Variants in CNGA4 observed in about 807,000 individuals in gnomAD.
CNGA4 encodes cyclic nucleotide-gated channel alpha-4.
CNGA4 carries 32 observed loss-of-function variants against 45.6 expected under a neutral mutation model. The ratio of observed to expected loss-of-function variants is 0.70; its 90% CI spans 0.53 to 0.94. CNGA4 has a LOEUF of 0.94. Ranked by LOEUF, CNGA4 falls within the 40% of genes least tolerant of loss-of-function variation. The pLI, the probability that CNGA4 is intolerant of heterozygous loss-of-function variation, is 0.00. For synonymous variants in CNGA4, 293 were observed against 304.6 expected, an observed-to-expected ratio of 0.96 and a Z score of 0.40; for missense variants, 726 against 755.1, an observed-to-expected ratio of 0.96 and a Z score of 0.45.
upstream of CNGA4, among the ~76,000 whole-genome samples, chr11:6,238,210 CT>C (rs1847861834): frequency 6.6e-6 from 1 of 152,194 alleles, no homozygotes; most frequent in African/African-American, 2.4e-5. Flanking sequence ...GTTTAGTTAC[CT>C]CATGTGTAAT....
upstream of CNGA4, among the ~76,000 whole-genome samples, chr11:6,236,337 G>A (rs1001790825): frequency 8.5e-5 from 13 of 152,152 alleles, no homozygotes; most frequent in African/African-American, 3.1e-4. Context: ...TTTTTGGGAT[G>A]ATAGCTATAA....
chr11:6,243,540 G>A (rs1847946838), intron 5 of CNGA4, among the ~76,000 whole-genome samples: 1 of 152,036 alleles, frequency 6.6e-6, no homozygotes, highest in Non-Finnish European at 1.5e-5. Context: ...CCAACATTGG[G>A]GATTACATTT....
chr11:6,244,111 A>C lies in CNGA4; in HGVS notation c.1430A>C (p.Lys477Thr), dbSNP rs747975151. The change falls in exon 6 of 6, where the codon AAG becomes ACG. Residue 477 changes from lysine to threonine, a missense_variant. Lys to Thr is a moderately conservative substitution (Grantham distance 78). Coordinates refer to ENST00000379936, the MANE Select transcript of CNGA4 (RefSeq NM_001037329.4). This position sits in a 1 kb window ranked among gnomAD's most constrained non-coding sequence, Gnocchi z 4.5. ...KGREILLKMNKLDVNAEAAEI... is the reference protein window; with the variant it reads ...KGREILLKMNTLDVNAEAAEI... ...CGTGAGATCCTGCTGAAAATGAACA[A>C]GTTGGACGTGAATGCTGAGGCAGCT... 1 of 1,614,196 alleles carries C rather than the reference A, an allele frequency of 6.2e-7. No individual in the cohort carries two copies. Among genetic ancestry groups the C allele is most frequent in the Admixed American group, 1.7e-5 (1 of 60,022 alleles).
rs948101759 is a variant in CNGA4, at chr11:6,241,638, A to G, written c.1125A>G (p.Val375=). The G allele has an allele frequency of 8.1e-6, 13 of 1,614,106 alleles. No individual in the cohort carries two copies. Among genetic ancestry groups the G allele is most frequent in the Admixed American group, 3.3e-5 (2 of 60,010 alleles). ...AGACCTACTCACCAGGTGAATATGT[A>G]TGCCGCAAAGGAGACATTGGCCAAG... ...QPQTYSPGEY[V]CRKGDIGQEM... is the part of the protein sequence containing the mutation. The change falls in exon 5 of 6, where the codon GTA becomes GTG. Residue 375 remains valine, a synonymous_variant. Coordinates refer to ENST00000379936, the MANE Select transcript of CNGA4 (RefSeq NM_001037329.4).
Position 6,239,140 on chromosome 11 carries a change from C to T in CNGA4, c.-67C>T. 1.2e-6 allele frequency: 2 copies of T among 1,611,048 alleles called. No homozygotes were observed. The highest frequency in any genetic ancestry group is 2.2e-5 in the South Asian group (2 of 90,876). On this transcript the variant is annotated 5_prime_UTR_variant, in exon 1 of 6. Transcript: ENST00000379936. The stretch of plus-strand genomic sequence containing the variant: ...CAGGCAGTCAGGCACTAGTGCCCAA[C>T]TCCAGAAGTCCCCTACAGGCAGAGA...
upstream of CNGA4, among the ~76,000 whole-genome samples, chr11:6,235,224 T>C (rs997668195): frequency 6.6e-6 from 1 of 152,086 alleles, no homozygotes; most frequent in African/African-American, 2.4e-5. Flanking sequence ...GGCACTCTAG[T>C]TCATTTTGCT....
At chr11:6,239,662 C>T (rs911038935) in intron 2 of CNGA4, 22 bp from the exon 3 acceptor site, 1 of 1,611,462 alleles carries the variant, frequency 6.2e-7, no homozygotes, top group South Asian at 1.1e-5. Flanking sequence ...TTAATTCAAT[C>T]ATGCTTAACC....
At position 6,240,048 on chromosome 11, in the gene CNGA4, C is replaced by T. The variant is rs764661626; in HGVS notation, c.272-18C>T. The T allele has an allele frequency of 1.3e-6, 2 of 1,588,454 alleles. No homozygotes were observed. Among genetic ancestry groups the T allele is most frequent in the South Asian group, 1.2e-5 (1 of 86,510 alleles). ...TTGACTACAGCAGGTCCGCTTCCTACCGGCTCCCTCTCCCCAGGATTCTTG... is the reference window on the plus strand; with the variant it reads ...TTGACTACAGCAGGTCCGCTTCCTATCGGCTCCCTCTCCCCAGGATTCTTG... On this transcript the variant is annotated intron_variant, in intron 3 of 5. Transcript: ENST00000379936. This position sits in a 1 kb window ranked among gnomAD's most constrained non-coding sequence, Gnocchi z 4.9.
At position 6,240,481 on chromosome 11, in the gene CNGA4, G is replaced by A; in HGVS notation, c.687G>A (p.Leu229=). ...LYSFYFSTLI[L]TTVGDTPPPA... Reference sequence around the variant, plus strand: ...GCTTTTACTTCTCCACGCTGATACTGACTACAGTGGGCGATACACCGCCGC... The same window carrying A: ...GCTTTTACTTCTCCACGCTGATACTAACTACAGTGGGCGATACACCGCCGC... The change falls in exon 4 of 6, where the codon CTG becomes CTA. Residue 229 remains leucine (L), a synonymous_variant. Coordinates refer to ENST00000379936, the MANE Select transcript of CNGA4 (RefSeq NM_001037329.4). The surrounding 1 kb of genome is among the most constrained non-coding windows in gnomAD (Gnocchi z 4.9). 1 of 1,614,194 alleles carries A rather than the reference G, an allele frequency of 6.2e-7. No homozygotes were observed. The highest frequency in any genetic ancestry group is 8.5e-7 in the Non-Finnish European group (1 of 1,180,044).
At position 6,244,396 on chromosome 11, in the gene CNGA4, C is replaced by T; in HGVS notation, c.1715C>T (p.Pro572Leu). 6.2e-7 allele frequency: 1 copy of T among 1,610,962 alleles called. No individual in the cohort carries two copies. Among genetic ancestry groups the T allele is most frequent in the Non-Finnish European group, 8.5e-7 (1 of 1,178,568 alleles). Residue 572 changes from proline (P) to leucine (L), a missense_variant, in exon 6 of 6, where the codon CCA becomes CTA. Physicochemically the swap from Pro to Leu is moderately conservative, Grantham distance 98. Coordinates refer to ENST00000379936, the MANE Select transcript of CNGA4 (RefSeq NM_001037329.4). This position sits in a 1 kb window ranked among gnomAD's most constrained non-coding sequence, Gnocchi z 4.5. ...GGCAGGGCCAGCCAGGAGGGACCCC[C>T]AGGTCCAGAGTGACCCCATCCCCAT... ...EEGRASQEGPPGPE is the reference protein window; with the variant it reads ...EEGRASQEGPLGPE
At chr11:6,238,982 C>T, upstream of CNGA4, 1 of 1,371,164 alleles carries the variant, frequency 7.3e-7, no homozygotes, top group Non-Finnish European at 9.5e-7. Context: ...AGGTGTAAGC[C>T]CAGGCCCTGG....
chr11:6,238,691 A>T (rs1473296638), upstream of CNGA4, among the ~76,000 whole-genome samples: 1 of 152,216 alleles, frequency 6.6e-6, no homozygotes, highest in Non-Finnish European at 1.5e-5. Context: ...TGTGAGAGGC[A>T]TCTCTTTGTC....
At chr11:6,241,400 G>T in intron 4 of CNGA4, 31 bp from the exon 5 acceptor site, 1 of 1,518,890 alleles carries the variant, frequency 6.6e-7, no homozygotes, top group Non-Finnish European at 8.9e-7. Context: ...ATAAAGGGCT[G>T]GTAAGGAAAT....
intron 5 of CNGA4, 38 bp from the exon 6 acceptor site, chr11:6,243,911 C>T (rs1847951536): frequency 6.3e-7 from 1 of 1,587,046 alleles, no homozygotes; most frequent in African/African-American, 1.3e-5. Context: ...CCTCACCCTC[C>T]TACTAACTGT....
Position 6,240,462 on chromosome 11 carries a change from ACTT to A in CNGA4, c.671_673del (p.Phe224del). ...CGGCGCCAGTACCTCTATAGCTTTT[ACTT>A]CTCCACGCTGATACTGACTACAGTG... is the stretch of plus-strand genomic sequence containing the variant. On this transcript the variant is annotated inframe_deletion, in exon 4 of 6. Coordinates refer to ENST00000379936, the MANE Select transcript of CNGA4 (RefSeq NM_001037329.4). This position sits in a 1 kb window ranked among gnomAD's most constrained non-coding sequence, Gnocchi z 4.9. 6.2e-7 allele frequency: 1 copy of A among 1,613,958 alleles called. No individual in the cohort carries two copies. The highest frequency in any genetic ancestry group is 8.5e-7 in the Non-Finnish European group (1 of 1,179,980).
At chr11:6,244,739 A>G (rs1293806624), downstream of CNGA4, among the ~76,000 whole-genome samples, 1 of 152,092 alleles carries the variant, frequency 6.6e-6, no homozygotes, top group African/African-American at 2.4e-5. This position sits in a 1 kb window ranked among gnomAD's most constrained non-coding sequence, Gnocchi z 4.5. Context: ...GCACCGATGT[A>G]TCTTACACCC....
In CNGA4 at chr11:6,240,505, G is replaced by A. The variant is rs1424976410; in HGVS notation, c.711G>A (p.Pro237=). 21 of 1,614,084 alleles carry A rather than the reference G, an allele frequency of 1.3e-5. No homozygotes were observed. The highest frequency in any genetic ancestry group is 1.7e-5 in the Non-Finnish European group (20 of 1,180,048). Residue 237 remains proline, a synonymous_variant, in exon 4 of 6, where the codon CCG becomes CCA. Transcript: ENST00000379936. This position sits in a 1 kb window ranked among gnomAD's most constrained non-coding sequence, Gnocchi z 4.9. Reference sequence around the variant, plus strand: ...TGACTACAGTGGGCGATACACCGCCGCCAGCCAGGGAAGAAGAGTACCTCT... The same window carrying A: ...TGACTACAGTGGGCGATACACCGCCACCAGCCAGGGAAGAAGAGTACCTCT... ...LILTTVGDTP[P]PAREEEYLFM...
upstream of CNGA4, among the ~76,000 whole-genome samples, chr11:6,237,598 T>C (rs866789953): frequency 1.3e-5 from 2 of 151,640 alleles, no homozygotes; most frequent in South Asian, 2.1e-4. Flanking sequence ...CAGAGGAGCT[T>C]ATGAAAGACA....
Position 6,241,622 on chromosome 11 carries a change from C to G in CNGA4, c.1109C>G (p.Ser370Ter), listed in dbSNP as rs1270057828. The G allele has an allele frequency of 1.2e-6, 2 of 1,614,228 alleles. No homozygotes were observed. Among genetic ancestry groups the G allele is most frequent in the East Asian group, 4.5e-5 (2 of 44,888 alleles). Residue 370 changes from serine to a stop codon, truncating the protein, a stop_gained, in exon 5 of 6, where the codon TCA (serine) becomes TGA (stop). Coordinates refer to ENST00000379936, the MANE Select transcript of CNGA4 (RefSeq NM_001037329.4). LOFTEE classifies it high-confidence loss of function. The part of the protein sequence containing the change: ...LVLKLQPQTY[S>*]PGEYVCRKGD... ...CTGAAGCTGCAGCCCCAGACCTACT[C>G]ACCAGGTGAATATGTATGCCGCAAA... is the stretch of plus-strand genomic sequence containing the variant.
Sources: allele counts gnomAD v4.1 joint callset (sites outside exome capture counted in the v4.1 genomes callset), GRCh38; gene constraint gnomAD v4.1.1; non-coding constraint Gnocchi (gnomAD v3.1); transcripts MANE v1.5; gene names NCBI Gene and HGNC (gene_info 2026-07-23, HGNC 2026-07-21).